Variants in CD82 observed in about 807,000 individuals in gnomAD.
CD82 encodes the protein CD82 molecule, also known as CD82 antigen.
CD82 carries 36 observed loss-of-function variants against 37.4 expected under a neutral mutation model. The observed-to-expected ratio is 0.96, with a 90% confidence interval of 0.74 to 1.27. CD82 has a LOEUF of 1.27. CD82 is among the 50% of genes most tolerant of loss of function. The pLI is 0.00. For synonymous variants in CD82, 158 were observed against 137.4 expected, an observed-to-expected ratio of 1.15 and a Z score of -1.05; for missense variants, 340 against 347.0, an observed-to-expected ratio of 0.98 and a Z score of 0.16.
chr11:44,605,471 C>T (rs1250619046), intron 6 of CD82, 42 bp downstream of exon 6: 5 of 1,564,242 alleles, frequency 3.2e-6, no homozygotes, highest in Non-Finnish European at 4.4e-6. Flanking sequence ...GCTGGACCAA[C>T]CATGGGGGTG....
intron 1 of CD82, among the ~76,000 whole-genome samples, chr11:44,584,758 A>G (rs1342039838): frequency 1.3e-5 from 2 of 152,186 alleles, no homozygotes; most frequent in Non-Finnish European, 2.9e-5. Flanking sequence ...TCAAAAAGCC[A>G]GGCCCTGGTC....
chr11:44,582,648 T>C (rs1347799595), intron 1 of CD82, among the ~76,000 whole-genome samples: 1 of 152,202 alleles, frequency 6.6e-6, no homozygotes, highest in African/African-American at 2.4e-5. Context: ...GTTGTGGCAC[T>C]GGGAGAGGGC....
At chr11:44,606,722 C>T (rs368904846) in intron 6 of CD82, 1 of 152,232 alleles carries the variant, frequency 6.6e-6, no homozygotes, top group African/African-American at 2.4e-5. Flanking sequence ...CTTGTCCTCA[C>T]AATGGCTCTG....
intron 3 of CD82, 121 bp from the exon 4 acceptor site, chr11:44,600,037 T>G (rs1590341815): frequency 1.1e-6 from 1 of 871,056 alleles, no homozygotes; most frequent in Non-Finnish European, 1.9e-6. Context: ...TGGAGAAGGG[T>G]GGATGTGGTG....
At chr11:44,606,823 C>G (rs1207309270) in intron 6 of CD82, 1 of 152,316 alleles carries the variant, frequency 6.6e-6, no homozygotes, top group Admixed American at 6.5e-5. Flanking sequence ...ACCCACCATC[C>G]CTCCAGTTGA....
intron 6 of CD82, among the ~76,000 whole-genome samples, chr11:44,613,342 G>C (rs1206373613): frequency 6.6e-6 from 1 of 152,248 alleles, no homozygotes; most frequent in East Asian, 1.9e-4. Flanking sequence ...TTATCGCCGA[G>C]GGAGGCCCTG....
At position 44,598,400 on chromosome 11, in the gene CD82, A is replaced by ATTTTTTTTTTTTTTTTTTTT. The variant is rs71038809; in HGVS notation, c.64-1748_64-1729dup. 1.5e-4 allele frequency among the ~76,000 whole-genome samples: 9 copies of ATTTTTTTTTTTTTTTTTTTT among 58,906 alleles called. 1 individual carries two copies. Among genetic ancestry groups the ATTTTTTTTTTTTTTTTTTTT allele is most frequent in the East Asian group, 5.9e-4 (1 of 1,682 alleles). 38.6% of individuals were successfully genotyped at this position (58,906 alleles called of 152,430 possible). A position where few individuals can be genotyped will look rare whatever the true frequency, so the allele number is the denominator to read the frequency against. On this transcript the variant is annotated intron_variant, in intron 3 of 9. Transcript: ENST00000227155. ...CAGTTATCATGGATTTTTGGCCTTAATTTTTTTTTTTTTTTTTTTTTTTTT... is the reference window on the plus strand; with the variant it reads ...CAGTTATCATGGATTTTTGGCCTTAATTTTTTTTTTTTTTTTTTTTTTTTTTTTTTTTTTTTTTTTTTTTT...
intron 6 of CD82, among the ~76,000 whole-genome samples, chr11:44,611,083 T>C (rs1651154336): frequency 6.6e-6 from 1 of 152,144 alleles, no homozygotes; most frequent in Non-Finnish European, 1.5e-5. Context: ...GATCTGCCCA[T>C]TTCGGCCTCC....
intron 3 of CD82, among the ~76,000 whole-genome samples, chr11:44,596,342 G>A (rs974176946): frequency 4.6e-5 from 7 of 152,392 alleles, no homozygotes; most frequent in East Asian, 1.9e-4. Flanking sequence ...GAAGGGGTGC[G>A]TGGGCACTGT....
intron 3 of CD82, among the ~76,000 whole-genome samples, chr11:44,596,147 C>T (rs1268683865): frequency 1.3e-5 from 2 of 152,200 alleles, no homozygotes; most frequent in African/African-American, 2.4e-5. Context: ...CTGCTCATGG[C>T]AGCCGGGCCT....
At chr11:44,583,204 A>G (rs1356312585) in intron 1 of CD82, among the ~76,000 whole-genome samples, 1 of 152,182 alleles carries the variant, frequency 6.6e-6, no homozygotes, top group African/African-American at 2.4e-5. Flanking sequence ...CAAGCAAGGG[A>G]GCTGTGGAAA....
chr11:44,601,986 G>A (rs895188305), intron 4 of CD82, among the ~76,000 whole-genome samples: 11 of 152,304 alleles, frequency 7.2e-5, no homozygotes, highest in African/African-American at 2.2e-4. Flanking sequence ...TTTCCCTACC[G>A]AGTTGAATCC....
rs780157672 is a variant in CD82 at position 44,618,193 on chromosome 11, A to G, written c.470A>G (p.Asn157Ser). 5 of 1,614,002 alleles carry G rather than the reference A, an allele frequency of 3.1e-6. No individual in the cohort carries two copies. Among genetic ancestry groups the G allele is most frequent in the Non-Finnish European group, 4.2e-6 (5 of 1,180,012 alleles). ...VKCCGWVSFY[N>S]WTDNAELMNR... ...TGCTGCGGCTGGGTCAGCTTCTACA[A>G]CTGGACAGACAACGCTGAGCTCATG... The change falls in exon 8 of 10, where the codon AAC becomes AGC. Residue 157 changes from asparagine to serine, a missense_variant. Transcript: ENST00000227155.
At chr11:44,582,020 C>T (rs1279681518) in intron 1 of CD82, among the ~76,000 whole-genome samples, 1 of 152,250 alleles carries the variant, frequency 6.6e-6, no homozygotes, top group African/African-American at 2.4e-5. Context: ...AGTGACCACC[C>T]TCTCTGCCTT....
At chr11:44,609,965 C>T (rs1210484091) in intron 6 of CD82, among the ~76,000 whole-genome samples, 4 of 152,192 alleles carry the variant, frequency 2.6e-5, no homozygotes, top group East Asian at 1.9e-4. Flanking sequence ...ATGCAGGAAG[C>T]GCCCTCATTT....
At chr11:44,572,459 G>C (rs1334067303) in intron 1 of CD82, among the ~76,000 whole-genome samples, 1 of 152,162 alleles carries the variant, frequency 6.6e-6, no homozygotes, top group African/African-American at 2.4e-5. Flanking sequence ...ATATGAACTT[G>C]GGATCATATT....
intron 4 of CD82, chr11:44,604,857 A>C: frequency 1.5e-6 from 1 of 648,630 alleles, no homozygotes; most frequent in Non-Finnish European, 2.7e-6. Flanking sequence ...GAGGGTGTGG[A>C]TTGCAATTTT....
intron 4 of CD82, chr11:44,604,660 C>G (rs1853361269): frequency 3.4e-6 from 1 of 298,186 alleles, no homozygotes; most frequent in African/African-American, 2.2e-5. Context: ...CACCTCACTG[C>G]GAGAGGCGCT....
Position 44,603,632 on chromosome 11 carries a change from G to A in CD82, c.137-1426G>A, listed in dbSNP as rs115403180. ...ACTCTCCAGCCTTCTGGAGACGCCA[G>A]CACCCTCGCCCTCCAGGTGCGTCCC... On this transcript the variant is annotated intron_variant, in intron 4 of 9. Coordinates refer to ENST00000227155, the MANE Select transcript of CD82 (RefSeq NM_002231.4). 4.0e-3 allele frequency among the ~76,000 whole-genome samples: 606 copies of A among 152,328 alleles called. 7 individuals are homozygous for A. Among genetic ancestry groups the A allele is most frequent in the African/African-American group, 0.014 (594 of 41,578 alleles).
Sources: gnomAD v4.1 joint callset for allele counts (sites outside exome capture counted in the v4.1 genomes callset) on GRCh38, gnomAD v4.1.1 for gene constraint, MANE v1.5 for transcripts, NCBI Gene and HGNC (gene_info 2026-07-23, HGNC 2026-07-21) for gene names.